SMARCAL1: variants seen among roughly 807,000 people sequenced by gnomAD.
The protein encoded by SMARCAL1 is ATP-driven annealing helicase.
SMARCAL1 carries 58 observed loss-of-function variants against 94.5 expected under a neutral mutation model. The ratio of observed to expected loss-of-function variants is 0.61; its 90% CI spans 0.50 to 0.76. The LOEUF is 0.76. SMARCAL1 is among the 30% of genes least tolerant of loss of function. The probability of loss-of-function intolerance (pLI) is 0.00; values close to 1 mark genes in which losing one functional copy is unlikely to be tolerated. For synonymous variants in SMARCAL1, 422 were observed against 455.1 expected, an observed-to-expected ratio of 0.93 and a Z score of 0.93; for missense variants, 1,051 against 1,177.9, an observed-to-expected ratio of 0.89 and a Z score of 1.58.
intron 11 of SMARCAL1, 135 bp from the exon 12 acceptor site, chr2:216,450,711 C>G: frequency 1.5e-6 from 1 of 656,318 alleles, no homozygotes; most frequent in Admixed American, 2.6e-5. Context: ...TTTATTTGTC[C>G]CTGTAAGTCA....
intron 5 of SMARCAL1, 133 bp downstream of exon 5, chr2:216,420,665 A>C (rs181924968): frequency 6.7e-6 from 5 of 746,902 alleles, no homozygotes; most frequent in Non-Finnish European, 1.2e-5. Context: ...TCCTCTTCCT[A>C]TAGAAAGATG....
Position 216,432,871 on chromosome 2 carries a change from T to G in SMARCAL1, c.1485+3T>G. 6.2e-7 allele frequency: 1 copy of G among 1,614,142 alleles called. No individual in the cohort carries two copies. Among genetic ancestry groups the G allele is most frequent in the Non-Finnish European group, 8.5e-7 (1 of 1,180,022 alleles). On this transcript the variant is annotated splice_donor_region_variant and intron_variant, in intron 8 of 17. Coordinates refer to ENST00000357276, the MANE Select transcript of SMARCAL1 (RefSeq NM_014140.4). The stretch of plus-strand genomic sequence containing the variant: ...CCGTGCGCTTCACCTGGGAGCAGGT[T>G]AATGGTCTTCAAATTGCAGTTTTCA...
chr2:216,459,640 A>G (rs1694652042), intron 12 of SMARCAL1, among the ~76,000 whole-genome samples: 1 of 152,182 alleles, frequency 6.6e-6, no homozygotes, highest in Admixed American at 6.6e-5. Context: ...ATATGTAGAA[A>G]GCTGAAACTG....
intron 10 of SMARCAL1, among the ~76,000 whole-genome samples, chr2:216,441,298 G>C (rs186155248): frequency 1.3e-5 from 2 of 152,286 alleles, no homozygotes; most frequent in East Asian, 3.9e-4. Context: ...TGGTGTCACT[G>C]TCCCCTGGGA....
Position 216,464,523 on chromosome 2 carries a change from A to G in SMARCAL1, c.2071-74A>G. ...GGTTGAGATTTGTAAAGCGCATAGG[A>G]GCAATAATTAGATCCACTCATCCCA... On this transcript the variant is annotated intron_variant, in intron 12 of 17. Transcript: ENST00000357276. 6 of 1,058,132 alleles carry G rather than the reference A, an allele frequency of 5.7e-6. No homozygotes were observed. The South Asian group carries it at 7.5e-5, about 13-fold the overall frequency. The allele number at this position is 1,058,132 out of a possible 1,614,324, so 65.5% of individuals were successfully genotyped here. A position where few individuals can be genotyped will look rare whatever the true frequency, so the allele number is the denominator to read the frequency against.
intron 14 of SMARCAL1, among the ~76,000 whole-genome samples, chr2:216,473,906 T>A (rs1296578849): frequency 2.0e-5 from 3 of 152,132 alleles, no homozygotes; most frequent in Non-Finnish European, 2.9e-5. Flanking sequence ...TCATAGCAGC[T>A]TTATTTGTAG....
chr2:216,420,274 C>G (rs760845265), intron 4 of SMARCAL1, 25 bp from the exon 5 acceptor site: 4 of 1,581,648 alleles, frequency 2.5e-6, no homozygotes, highest in Non-Finnish European at 3.5e-6. Flanking sequence ...TTTATCACTT[C>G]TGTTCGATTC....
At chr2:216,453,263 T>A (rs973961897) in intron 12 of SMARCAL1, among the ~76,000 whole-genome samples, 3 of 152,198 alleles carry the variant, frequency 2.0e-5, no homozygotes, top group African/African-American at 7.2e-5. Flanking sequence ...AAGTTAAACG[T>A]TTATCCCTGA....
Position 216,423,566 on chromosome 2 carries a change from A to G in SMARCAL1, c.1097-67A>G, listed in dbSNP as rs368380610. ...AGTTTATGAAACCAAGGAATAAATG[A>G]GTAAGTGTGATCACGTAGCAGAAGG... is the stretch of plus-strand genomic sequence containing the variant. On this transcript the variant is annotated intron_variant, in intron 5 of 17. Coordinates refer to ENST00000357276, the MANE Select transcript of SMARCAL1 (RefSeq NM_014140.4). 5.4e-6 allele frequency: 7 copies of G among 1,291,292 alleles called. No individual in the cohort carries two copies. In the African/African-American group the frequency reaches 5.8e-5, roughly 11 times the overall value. The allele number at this position is 1,291,292 out of a possible 1,614,324, so 80.0% of individuals were successfully genotyped here.
chr2:216,421,081 CTGG>C (rs1270973545), intron 5 of SMARCAL1, among the ~76,000 whole-genome samples: 3 of 152,106 alleles, frequency 2.0e-5, no homozygotes, highest in African/African-American at 7.2e-5. Context: ...TTTGAAAATG[CTGG>C]TGGTTCTGCT....
chr2:216,439,730 G>A (rs1176037790), intron 10 of SMARCAL1, among the ~76,000 whole-genome samples: 2 of 152,202 alleles, frequency 1.3e-5, no homozygotes, highest in South Asian at 4.1e-4. Context: ...GCAGGGTCAT[G>A]TCATGTGCCA....
chr2:216,439,771 A>G lies in SMARCAL1; in HGVS notation c.1710+1286A>G, dbSNP rs534029242. 7.2e-5 allele frequency among the ~76,000 whole-genome samples: 11 copies of G among 152,276 alleles called. No homozygotes were observed. In the East Asian group the frequency reaches 2.1e-3, roughly 29 times the overall value. The stretch of plus-strand genomic sequence containing the variant: ...AAGAATAAAAGTCTTTTACTGCAAA[A>G]GCTTGGTTTTGCTGGGGTGGTGGCT... On this transcript the variant is annotated intron_variant, in intron 10 of 17. Coordinates refer to ENST00000357276, the MANE Select transcript of SMARCAL1 (RefSeq NM_014140.4).
Position 216,467,769 on chromosome 2 carries a change from G to T in SMARCAL1, c.2142-175G>T, listed in dbSNP as rs1694861249. 2.0e-5 allele frequency among the ~76,000 whole-genome samples: 3 copies of T among 152,238 alleles called. No individual in the cohort carries two copies. The South Asian group carries it at 6.2e-4, about 32-fold the overall frequency. On this transcript the variant is annotated intron_variant, in intron 13 of 17. Transcript: ENST00000357276. ...CTCCCTAAATGCTTTCAGATCTACA[G>T]AGGACACTCTAATTTGTATTTAAAA...
At chr2:216,463,902 C>T (rs574691217) in intron 12 of SMARCAL1, among the ~76,000 whole-genome samples, 1 of 152,146 alleles carries the variant, frequency 6.6e-6, no homozygotes, top group African/African-American at 2.4e-5. Context: ...ATTAGCTGGA[C>T]GTGGTGGCAC....
chr2:216,438,443 C>G lies in SMARCAL1; in HGVS notation c.1668C>G (p.Asn556Lys). Reference protein sequence around the residue: ...VIIDESHFLKNSRTARCRAAM... With the variant: ...VIIDESHFLKKSRTARCRAAM... Reference sequence around the variant, plus strand: ...AGGATGAATCTCACTTCCTCAAAAACAGTAGGACTGCCCGCTGTCGAGCAG... The same window carrying G: ...AGGATGAATCTCACTTCCTCAAAAAGAGTAGGACTGCCCGCTGTCGAGCAG... The change falls in exon 10 of 18, where the codon AAC (asparagine) becomes AAG (lysine). Residue 556 changes from asparagine (N) to lysine (K), a missense_variant. Asn to Lys is a moderately conservative substitution (Grantham distance 94). Coordinates refer to ENST00000357276, the MANE Select transcript of SMARCAL1 (RefSeq NM_014140.4). 1.2e-6 allele frequency: 2 copies of G among 1,614,094 alleles called. No individual in the cohort carries two copies. The highest frequency in any genetic ancestry group is 1.7e-6 in the Non-Finnish European group (2 of 1,179,970).
Position 216,475,524 on chromosome 2 carries a change from T to C in SMARCAL1, c.2427+73T>C. On this transcript the variant is annotated intron_variant, in intron 15 of 17. Coordinates refer to ENST00000357276, the MANE Select transcript of SMARCAL1 (RefSeq NM_014140.4). The surrounding 1 kb of genome is among the most constrained non-coding windows in gnomAD (Gnocchi z 4.4). ...GTGGGCAGGAAGCAGTGAGTGTCGGTCGGGGAAAGTGTGGTTTCCCTTTTA... is the reference window on the plus strand; with the variant it reads ...GTGGGCAGGAAGCAGTGAGTGTCGGCCGGGGAAAGTGTGGTTTCCCTTTTA... The C allele has an allele frequency of 6.7e-7, 1 of 1,499,604 alleles. No homozygotes were observed. The highest frequency in any genetic ancestry group is 9.3e-7 in the Non-Finnish European group (1 of 1,076,180). 92.9% of individuals were successfully genotyped at this position (1,499,604 alleles called of 1,614,324 possible).
At chr2:216,461,761 G>A (rs1016066784) in intron 12 of SMARCAL1, among the ~76,000 whole-genome samples, 31 of 151,898 alleles carry the variant, frequency 2.0e-4, no homozygotes, top group Non-Finnish European at 3.2e-4. Context: ...CTGAGTCTGG[G>A]AGTTTGGGGC....
intron 15 of SMARCAL1, among the ~76,000 whole-genome samples, chr2:216,476,441 G>A (rs1695081582): frequency 6.6e-6 from 1 of 151,942 alleles, no homozygotes; most frequent in African/African-American, 2.4e-5. Flanking sequence ...TCAGCCTCCT[G>A]AGTAGCAGGG....
chr2:216,434,595 G>A (rs1694036303), intron 8 of SMARCAL1, among the ~76,000 whole-genome samples: 1 of 151,992 alleles, frequency 6.6e-6, no homozygotes. Flanking sequence ...CAGCAACTTG[G>A]GAAGCTGTGG....
Sources: gnomAD v4.1 joint callset for allele counts (sites outside exome capture counted in the v4.1 genomes callset) on GRCh38, gnomAD v4.1.1 for gene constraint, Gnocchi (gnomAD v3.1) non-coding constraint, MANE v1.5 for transcripts, NCBI Gene and HGNC (gene_info 2026-07-23, HGNC 2026-07-21) for gene names.